Variants in FSTL5 observed in about 807,000 individuals in gnomAD.
FSTL5 encodes the protein follistatin-related protein 5.
In FSTL5, 62 loss-of-function variants were observed where a neutral mutation model predicts 89.1. The observed-to-expected ratio is 0.70, with a 90% CI of 0.57 to 0.86. The LOEUF is 0.86. Among genes scored for constraint, FSTL5 ranks in the 40% least tolerant of loss-of-function variants. FSTL5 has a pLI of 0.00. For missense variants in FSTL5, 1,057 were observed against 1,001.6 expected (o/e 1.06, Z -0.75); for synonymous variants, 383 against 346.2 (o/e 1.11, Z -1.18).
intron 4 of FSTL5, among the ~76,000 whole-genome samples, chr4:161,834,153 C>T (rs983617612): frequency 5.9e-5 from 9 of 152,186 alleles, no homozygotes; most frequent in African/African-American, 2.2e-4. Context: ...TCAATATATG[C>T]AAATCAATAA....
At chr4:161,982,733 C>T (rs7674708) in intron 3 of FSTL5, among the ~76,000 whole-genome samples, 113,317 of 152,160 alleles carry the variant, frequency 0.74, 43,252 homozygotes, top group Middle Eastern at 0.85. Context: ...GACTATGGTT[C>T]AATAATAAAT....
intron 2 of FSTL5, among the ~76,000 whole-genome samples, chr4:162,101,289 G>C (rs1022958669): frequency 6.6e-6 from 1 of 152,182 alleles, no homozygotes; most frequent in Non-Finnish European, 1.5e-5. Context: ...TGCTTCAACA[G>C]CAGTCAGGGT....
chr4:161,456,677 G>A, intron 14 of FSTL5, among the ~76,000 whole-genome samples: 1 of 152,148 alleles, frequency 6.6e-6, no homozygotes, highest in East Asian at 1.9e-4. Flanking sequence ...AATGTTTCCT[G>A]ATAATCTTTT....
chr4:161,473,791 T>A (rs1020672538), intron 13 of FSTL5, among the ~76,000 whole-genome samples: 4 of 152,186 alleles, frequency 2.6e-5, no homozygotes, highest in Non-Finnish European at 5.9e-5. Context: ...CCGTTTTGGT[T>A]ACTCAGTGCA....
chr4:161,763,874 G>A (rs1042828665), intron 5 of FSTL5, among the ~76,000 whole-genome samples: 8 of 152,124 alleles, frequency 5.3e-5, no homozygotes, highest in African/African-American at 1.9e-4. Context: ...GGTATTAGAT[G>A]TATGCTTCTC....
chr4:161,558,955 C>T (rs1422382943), intron 8 of FSTL5, among the ~76,000 whole-genome samples: 2 of 151,896 alleles, frequency 1.3e-5, no homozygotes, highest in Non-Finnish European at 2.9e-5. Flanking sequence ...TATTTCTAGC[C>T]TTTGTGCAAA....
intron 8 of FSTL5, among the ~76,000 whole-genome samples, chr4:161,548,774 G>T (rs1276366970): frequency 6.6e-6 from 1 of 151,738 alleles, no homozygotes; most frequent in Non-Finnish European, 1.5e-5. Context: ...TGTGGGAAAT[G>T]ATTCAGGAAT....
chr4:161,475,803 G>A (rs1734115271), intron 13 of FSTL5, among the ~76,000 whole-genome samples: 1 of 151,956 alleles, frequency 6.6e-6, no homozygotes. Context: ...AGGCTGGAGT[G>A]CAGTGGCGCA....
At chr4:161,752,738 C>T (rs1740441166) in intron 6 of FSTL5, among the ~76,000 whole-genome samples, 1 of 152,156 alleles carries the variant, frequency 6.6e-6, no homozygotes, top group African/African-American at 2.4e-5. Flanking sequence ...TCTCCTCCAA[C>T]TTCATATGTT....
rs192012599 is a variant in FSTL5, at chr4:161,753,505, A to G, written c.727+5906T>C. On this transcript the variant is annotated intron_variant, in intron 6 of 15. Transcript: ENST00000306100. ...TTGCTTCTTTGGTTCTGGCCCCGTC[A>G]TCACTTTTAGCCTATATTAGTGCAA... Among the ~76,000 whole-genome samples, 377 of 152,278 alleles carry G rather than the reference A, an allele frequency of 2.5e-3. 2 individuals carry two copies. Among genetic ancestry groups the G allele is most frequent in the Non-Finnish European group, 4.5e-3 (305 of 68,036 alleles).
chr4:162,034,023 A>T (rs147335768), intron 2 of FSTL5, among the ~76,000 whole-genome samples: 198 of 151,998 alleles, frequency 1.3e-3, no homozygotes, highest in African/African-American at 4.6e-3. Context: ...GTTGGTCTTG[A>T]ACTCCTGGGC....
chr4:162,066,254 T>G (rs953795019), intron 2 of FSTL5, among the ~76,000 whole-genome samples: 1 of 151,748 alleles, frequency 6.6e-6, no homozygotes, highest in African/African-American at 2.4e-5. Flanking sequence ...ATTAAGAATT[T>G]TGCCTATTTT....
chr4:161,964,957 C>T (rs359504), intron 3 of FSTL5, among the ~76,000 whole-genome samples: 151,689 of 151,970 alleles, frequency 1, 75,705 homozygotes, highest in Middle Eastern at 1. Context: ...CATTACTTTA[C>T]TTTATTCTAG....
chr4:161,780,379 G>C (rs1239875674), intron 4 of FSTL5, among the ~76,000 whole-genome samples: 1 of 152,044 alleles, frequency 6.6e-6, no homozygotes, highest in East Asian at 1.9e-4. Flanking sequence ...ATTTTCTCAA[G>C]TTAATTGACA....
At chr4:161,750,134 GAA>G (rs2126780849) in intron 6 of FSTL5, among the ~76,000 whole-genome samples, 1 of 152,152 alleles carries the variant, frequency 6.6e-6, no homozygotes, top group African/African-American at 2.4e-5. Context: ...TTGAATTTCT[GAA>G]AAGTAAATAT....
At chr4:161,990,174 T>C (rs1050722966) in intron 3 of FSTL5, among the ~76,000 whole-genome samples, 5 of 152,140 alleles carry the variant, frequency 3.3e-5, no homozygotes, top group Non-Finnish European at 7.4e-5. Context: ...GGTTTTTGAA[T>C]AGCCCACTCT....
chr4:161,471,270 G>T (rs1560910835), intron 13 of FSTL5, among the ~76,000 whole-genome samples: 1 of 152,190 alleles, frequency 6.6e-6, no homozygotes, highest in Non-Finnish European at 1.5e-5. Flanking sequence ...ATGAAAGAGT[G>T]TTAAATTTTA....
At chr4:161,785,699 A>G (rs1365358480) in intron 4 of FSTL5, among the ~76,000 whole-genome samples, 1 of 152,082 alleles carries the variant, frequency 6.6e-6, no homozygotes, top group East Asian at 1.9e-4. Flanking sequence ...GGAATATAGT[A>G]CTCTTCCTTA....
intron 13 of FSTL5, among the ~76,000 whole-genome samples, chr4:161,466,619 A>G (rs1023064927): frequency 6.6e-6 from 1 of 152,220 alleles, no homozygotes; most frequent in African/African-American, 2.4e-5. Context: ...ATCGTACTCC[A>G]TAGACCATAA....
Sources: gnomAD v4.1 joint callset for allele counts (sites outside exome capture counted in the v4.1 genomes callset) on GRCh38, gnomAD v4.1.1 for gene constraint, MANE v1.5 for transcripts, NCBI Gene and HGNC (gene_info 2026-07-23, HGNC 2026-07-21) for gene names.